EPB41L4A: variants seen among roughly 807,000 people sequenced by gnomAD.
The protein encoded by EPB41L4A is band 4.1-like protein 4A.
EPB41L4A carries 100 observed loss-of-function variants against 108.6 expected under a neutral mutation model. The ratio of observed to expected loss-of-function variants is 0.92; its 90% confidence interval spans 0.78 to 1.09. The LOEUF (loss-of-function observed/expected upper bound fraction) is 1.09, where lower values mean the gene tolerates loss of function less well. EPB41L4A is among the 50% of genes least tolerant of loss of function. The pLI, the probability that EPB41L4A is intolerant of heterozygous loss-of-function variation, is 0.00. For missense variants in EPB41L4A, 1,030 were observed against 842.7 expected (o/e 1.22, Z -2.75); for synonymous variants, 319 against 289.0 (o/e 1.10, Z -1.05).
chr5:112,365,292 C>T (rs905067304), intron 1 of EPB41L4A, among the ~76,000 whole-genome samples: 7 of 152,128 alleles, frequency 4.6e-5, no homozygotes, highest in Non-Finnish European at 7.4e-5. Flanking sequence ...CCTCAAACTC[C>T]TAGACTGTAA....
At chr5:112,264,285 G>A (rs1001467545) in intron 6 of EPB41L4A, 3 of 152,174 alleles carry the variant, frequency 2.0e-5, no homozygotes, top group African/African-American at 4.8e-5. Flanking sequence ...TACTAGGGGA[G>A]CGTGTCTACT....
rs572883747 is a variant in EPB41L4A, at chr5:112,182,113, TGACTA to T, written c.1622+1898_1622+1902del. ...AGTGGTTGGTTGTGGGGGTGGGCAC[TGACTA>T]GAAGGAGCATGAAGGAACTTTCCGG... On this transcript the variant is annotated intron_variant, in intron 18 of 22. Coordinates refer to ENST00000261486, the MANE Select transcript of EPB41L4A (RefSeq NM_022140.5). Among the ~76,000 whole-genome samples the T allele has an allele frequency of 5.9e-5, 9 of 151,890 alleles. No individual in the cohort carries two copies. In the East Asian group the frequency reaches 1.7e-3, roughly 29 times the overall value.
intron 1 of EPB41L4A, among the ~76,000 whole-genome samples, chr5:112,345,553 T>C (rs1203768708): frequency 6.6e-6 from 1 of 152,068 alleles, no homozygotes; most frequent in Non-Finnish European, 1.5e-5. Context: ...GTAGAATAAT[T>C]TTTTATTACT....
At chr5:112,370,527 A>C (rs909760146) in intron 1 of EPB41L4A, among the ~76,000 whole-genome samples, 1 of 152,176 alleles carries the variant, frequency 6.6e-6, no homozygotes, top group Non-Finnish European at 1.5e-5. Flanking sequence ...ATTGATGATA[A>C]CCAATCCAGT....
chr5:112,195,070 T>C (rs921651468), intron 16 of EPB41L4A, among the ~76,000 whole-genome samples: 1 of 152,092 alleles, frequency 6.6e-6, no homozygotes, highest in Non-Finnish European at 1.5e-5. Flanking sequence ...TTGTGACTGA[T>C]TTTACCAATA....
intron 1 of EPB41L4A, among the ~76,000 whole-genome samples, chr5:112,314,549 T>TAAAAAAAAAAA (rs1755301662): frequency 8.5e-6 from 1 of 117,592 alleles, no homozygotes; most frequent in Non-Finnish European, 1.7e-5. Context: ...GAAAAGAAAT[T>TAAAAAAAAAAA]AGCCAAGCAT....
downstream of EPB41L4A, chr5:112,161,696 T>C (rs1410854946): frequency 3.9e-5 from 19 of 491,360 alleles, no homozygotes; most frequent in Non-Finnish European, 4.1e-5. Flanking sequence ...TTCTAATTTT[T>C]GTTCAGGTGG....
chr5:112,206,212 T>TA (rs1235200509), intron 13 of EPB41L4A: 1 of 152,202 alleles, frequency 6.6e-6, no homozygotes, highest in Non-Finnish European at 1.5e-5. Flanking sequence ...TCAGGAGTCT[T>TA]AGCTTAAGAT....
intron 1 of EPB41L4A, among the ~76,000 whole-genome samples, chr5:112,397,685 T>C (rs532047984): frequency 1.3e-5 from 2 of 152,344 alleles, no homozygotes; most frequent in East Asian, 3.9e-4. Context: ...TATGCTAATA[T>C]TCTACACTCA....
intron 21 of EPB41L4A, 56 bp from the exon 22 acceptor site, chr5:112,168,876 T>C: frequency 6.5e-7 from 1 of 1,546,174 alleles, no homozygotes; most frequent in Middle Eastern, 1.7e-4. Context: ...AATCATAAAT[T>C]AAGTTGGAAG....
chr5:112,262,864 A>G (rs558444910), intron 6 of EPB41L4A, among the ~76,000 whole-genome samples: 12 of 152,280 alleles, frequency 7.9e-5, no homozygotes, highest in Admixed American at 3.3e-4. Context: ...AGAAACCCCT[A>G]AAGAGGTTAT....
In EPB41L4A at chr5:112,195,652, T is replaced by A. The variant is rs1482322833; in HGVS notation, c.1424+9A>T. On this transcript the variant is annotated intron_variant, in intron 16 of 22. Coordinates refer to ENST00000261486, the MANE Select transcript of EPB41L4A (RefSeq NM_022140.5). Reference sequence around the variant, plus strand: ...CCCTCTGACTGTCCTTCCATTTTTGTTTTTTTACCTCCTCCTTTGCTTAAG... The same window carrying A: ...CCCTCTGACTGTCCTTCCATTTTTGATTTTTTACCTCCTCCTTTGCTTAAG... 2 of 1,611,632 alleles carry A rather than the reference T, an allele frequency of 1.2e-6. No individual in the cohort carries two copies. The highest frequency in any genetic ancestry group is 1.7e-6 in the Non-Finnish European group (2 of 1,178,010).
chr5:112,419,522 G>T (rs974843520), upstream of EPB41L4A: 3 of 409,994 alleles, frequency 7.3e-6, no homozygotes, highest in Non-Finnish European at 1.5e-5. Context: ...GCGTCCGATC[G>T]GCCTGCGGAG....
At chr5:112,382,101 T>G (rs776082443) in intron 1 of EPB41L4A, among the ~76,000 whole-genome samples, 2 of 152,248 alleles carry the variant, frequency 1.3e-5, no homozygotes, top group Non-Finnish European at 2.9e-5. Context: ...CAATTAGCAC[T>G]TTTAAAAGGT....
intron 2 of EPB41L4A, among the ~76,000 whole-genome samples, chr5:112,302,663 G>A (rs1324307642): frequency 1.3e-5 from 2 of 152,186 alleles, no homozygotes; most frequent in African/African-American, 4.8e-5. Flanking sequence ...CAGGTAGACT[G>A]TGGTTTGAAC....
At chr5:112,226,707 CA>C in intron 12 of EPB41L4A, among the ~76,000 whole-genome samples, 1 of 150,220 alleles carries the variant, frequency 6.7e-6, no homozygotes, top group African/African-American at 2.4e-5. Flanking sequence ...AAAAAAAAAT[CA>C]GAGAAGAAAA....
chr5:112,320,780 C>T (rs1273302041), intron 1 of EPB41L4A, among the ~76,000 whole-genome samples: 1 of 152,200 alleles, frequency 6.6e-6, no homozygotes, highest in Non-Finnish European at 1.5e-5. Context: ...TCTGCCTCTT[C>T]CAGCAACCCA....
At chr5:112,417,714 A>G (rs1762794808) in intron 1 of EPB41L4A, among the ~76,000 whole-genome samples, 1 of 152,216 alleles carries the variant, frequency 6.6e-6, no homozygotes, top group Non-Finnish European at 1.5e-5. Context: ...TTTGCTCAGT[A>G]TAATTACTGG....
chr5:112,351,883 T>G (rs1758065463), intron 1 of EPB41L4A, among the ~76,000 whole-genome samples: 1 of 152,130 alleles, frequency 6.6e-6, no homozygotes, highest in African/African-American at 2.4e-5. Flanking sequence ...ATCAACAGAA[T>G]GAAAGAAAAG....
Sources: allele counts gnomAD v4.1 joint callset (sites outside exome capture counted in the v4.1 genomes callset), GRCh38; gene constraint gnomAD v4.1.1; transcripts MANE v1.5; gene names NCBI Gene and HGNC (gene_info 2026-07-23, HGNC 2026-07-21).